MME: variants seen among roughly 807,000 people sequenced by gnomAD.
MME encodes membrane metalloendopeptidase, also known as neprilysin.
Under a neutral mutation model 113.2 loss-of-function variants are expected in MME, and 98 were observed. The ratio of observed to expected loss-of-function variants is 0.87; its 90% confidence interval spans 0.74 to 1.02. The LOEUF (loss-of-function observed/expected upper bound fraction) is 1.02. Ranked by LOEUF, MME falls within the 50% of genes least tolerant of loss-of-function variation. The pLI, the probability that MME is intolerant of heterozygous loss-of-function variation, is 0.00. For synonymous variants in MME, 292 were observed against 300.6 expected, an observed-to-expected ratio of 0.97 and a Z score of 0.30; for missense variants, 836 against 896.0, an observed-to-expected ratio of 0.93 and a Z score of 0.86.
chr3:155,153,721 A>AATCT (rs1199749628), intron 16 of MME, among the ~76,000 whole-genome samples: 1 of 152,180 alleles, frequency 6.6e-6, no homozygotes, highest in Non-Finnish European at 1.5e-5. Flanking sequence ...TACAAAGAGG[A>AATCT]ATCTCATTGG....
chr3:155,144,226 T>A, intron 13 of MME, 133 bp from the exon 14 acceptor site: 1 of 699,346 alleles, frequency 1.4e-6, no homozygotes, highest in Non-Finnish European at 2.6e-6. Context: ...TTAGCTTAGG[T>A]CACAGTTTGT....
upstream of MME, among the ~76,000 whole-genome samples, chr3:155,075,080 AT>A (rs1181536370): frequency 6.6e-6 from 1 of 151,462 alleles, no homozygotes; most frequent in Non-Finnish European, 1.5e-5. Flanking sequence ...AACATGGGTG[AT>A]TTTACCCTTT....
chr3:155,116,671 T>C lies in MME; in HGVS notation c.447T>C (p.Ile149=). 1 of 1,611,390 alleles carries C rather than the reference T, an allele frequency of 6.2e-7. No individual in the cohort carries two copies. The highest frequency in any genetic ancestry group is 8.5e-7 in the Non-Finnish European group (1 of 1,178,520). ...LYRSCINESA[I]DSRGGEPLLK... Reference sequence around the variant, plus strand: ...GTTTGTTGTTTCCAAAAGCTGCTATTGATAGCAGAGGTGGAGAACCTCTAC... The same window carrying C: ...GTTTGTTGTTTCCAAAAGCTGCTATCGATAGCAGAGGTGGAGAACCTCTAC... The change falls in exon 6 of 23, where the codon ATT becomes ATC. Residue 149 remains isoleucine (I), a synonymous_variant. Transcript: ENST00000360490.
intron 2 of MME, 100 bp downstream of exon 2, chr3:155,084,427 G>A: frequency 8.3e-7 from 1 of 1,211,142 alleles, no homozygotes; most frequent in Non-Finnish European, 1.2e-6. Flanking sequence ...AAGGATAGAG[G>A]CACTTAAAGA....
At position 155,138,117 on chromosome 3, in the gene MME, G is replaced by A; in HGVS notation, c.736G>A (p.Val246Met). ...TTTCTTGCAGGCTTGTACAGCATAT[G>A]TGGATTTTATGATTTCTGTGGCCAG... ...GIYKEACTAY[V>M]DFMISVARLI... Residue 246 changes from valine (V) to methionine (M), a missense_variant, in exon 9 of 23, where the codon GTG becomes ATG. By Grantham distance (21) the Val-to-Met change is conservative. Transcript: ENST00000360490. 1 of 1,613,734 alleles carries A rather than the reference G, an allele frequency of 6.2e-7. No individual in the cohort carries two copies. Among genetic ancestry groups the A allele is most frequent in the Non-Finnish European group, 8.5e-7 (1 of 1,179,778 alleles).
At chr3:155,026,132 T>C (rs532016431) in intron 1 of MME, among the ~76,000 whole-genome samples, 23 of 152,168 alleles carry the variant, frequency 1.5e-4, no homozygotes, top group African/African-American at 5.5e-4. Context: ...GCTCCATGCA[T>C]TTCCCTTGGG....
intron 1 of MME, among the ~76,000 whole-genome samples, chr3:155,064,246 G>A (rs1165258530): frequency 2.6e-5 from 4 of 151,974 alleles, no homozygotes; most frequent in African/African-American, 9.7e-5. Flanking sequence ...CCGAGATCCT[G>A]CCACTGTACT....
chr3:155,064,850 T>C (rs1714336559), intron 1 of MME, among the ~76,000 whole-genome samples: 1 of 152,222 alleles, frequency 6.6e-6, no homozygotes, highest in Non-Finnish European at 1.5e-5. Flanking sequence ...AATCCTTCCT[T>C]GACTCTTCTA....
chr3:155,067,077 G>A (rs938392399), intron 1 of MME, among the ~76,000 whole-genome samples: 6 of 151,656 alleles, frequency 4.0e-5, no homozygotes, highest in Admixed American at 2.6e-4. Flanking sequence ...TTCATATAAT[G>A]TATTTTCTGG....
At chr3:155,079,393 T>C (rs112682496), upstream of MME, among the ~76,000 whole-genome samples, 2,543 of 152,050 alleles carry the variant, frequency 0.017, 50 homozygotes, top group African/African-American at 0.048. Context: ...AGCCCGTGTA[T>C]TGTTTTCTTG....
intron 3 of MME, among the ~76,000 whole-genome samples, chr3:155,114,288 T>C (rs888865378): frequency 2.6e-5 from 4 of 152,186 alleles, no homozygotes; most frequent in African/African-American, 9.7e-5. Context: ...CATCTTTCTA[T>C]CAATTGCAGC....
intron 3 of MME, among the ~76,000 whole-genome samples, chr3:155,087,072 A>G (rs772636486): frequency 6.6e-6 from 1 of 150,394 alleles, no homozygotes; most frequent in Non-Finnish European, 1.5e-5. Context: ...TCCTGAGATC[A>G]AGCAGTCCTC....
intron 22 of MME, 85 bp downstream of exon 22, chr3:155,172,697 A>G (rs1576673963): frequency 2.1e-6 from 2 of 939,190 alleles, no homozygotes; most frequent in Non-Finnish European, 1.7e-6. Flanking sequence ...TCTAACTCTG[A>G]TTCTTTTACA....
At chr3:155,058,758 T>A (rs1714027654) in intron 1 of MME, among the ~76,000 whole-genome samples, 1 of 152,174 alleles carries the variant, frequency 6.6e-6, no homozygotes, top group African/African-American at 2.4e-5. Flanking sequence ...TTGATATATT[T>A]GAAAAATCCG....
intron 1 of MME, among the ~76,000 whole-genome samples, chr3:155,027,031 A>G (rs1712809594): frequency 6.6e-6 from 1 of 152,190 alleles, no homozygotes; most frequent in Non-Finnish European, 1.5e-5. Flanking sequence ...GGTATTTTGC[A>G]AGCACCTCAA....
rs902772630 is a variant in MME, at chr3:155,168,382, T to C, written c.1781-110T>C. 1.6e-4 allele frequency: 160 copies of C among 986,150 alleles called. No individual in the cohort carries two copies. In the African/African-American group the frequency reaches 1.9e-3, roughly 12 times the overall value. 61.1% of individuals were successfully genotyped at this position (986,150 alleles called of 1,614,324 possible). ...ACAGTCTCTCTCATCGTCTGCCTAA[T>C]TTAATGTTCTGTCACACAGCAGTAT... On this transcript the variant is annotated intron_variant, in intron 18 of 22. Coordinates refer to ENST00000360490, the MANE Select transcript of MME (RefSeq NM_007289.4).
intron 16 of MME, among the ~76,000 whole-genome samples, chr3:155,159,292 C>T (rs965309217): frequency 6.6e-6 from 1 of 151,990 alleles, no homozygotes; most frequent in African/African-American, 2.4e-5. Context: ...CTGTACACCC[C>T]TTCTGTGAGT....
intron 3 of MME, among the ~76,000 whole-genome samples, chr3:155,101,817 G>T (rs575892513): frequency 6.6e-6 from 1 of 152,060 alleles, no homozygotes; most frequent in South Asian, 2.1e-4. Flanking sequence ...TAACTAAACC[G>T]GGATTCAGTC....
rs112248337 is a variant in MME, at chr3:155,027,679, C to T, written c.-11+3355C>T. Among the ~76,000 whole-genome samples the T allele has an allele frequency of 3.6e-4, 55 of 152,282 alleles. 1 individual carries two copies. The highest frequency in any genetic ancestry group is 1.2e-3 in the African/African-American group (50 of 41,554). On this transcript the variant is annotated intron_variant, in intron 1 of 22. Coordinates refer to the MME transcript ENST00000492661. Reference sequence around the variant, plus strand: ...TTCTATAGAATCCCTTAACAGTAGGCTTAGATAGAATTTTAGCATTTTAAT... The same window carrying T: ...TTCTATAGAATCCCTTAACAGTAGGTTTAGATAGAATTTTAGCATTTTAAT...
Sources: gnomAD v4.1 joint callset for allele counts (sites outside exome capture counted in the v4.1 genomes callset) on GRCh38, gnomAD v4.1.1 for gene constraint, MANE v1.5 for transcripts, NCBI Gene and HGNC (gene_info 2026-07-23, HGNC 2026-07-21) for gene names.